The following CTNNA3 variants were observed in gnomAD, a reference collection of about 807,000 sequenced individuals.
CTNNA3 encodes catenin alpha 3.
A neutral mutation model predicts 95.7 loss-of-function variants in CTNNA3; 76 were observed. The ratio of observed to expected loss-of-function variants is 0.79; its 90% CI spans 0.66 to 0.96. The LOEUF is 0.96. Ranked by LOEUF, CTNNA3 falls within the 40% of genes least tolerant of loss-of-function variation. The pLI is 0.00. For synonymous variants in CTNNA3, 431 were observed against 374.4 expected, an observed-to-expected ratio of 1.15 and a Z score of -1.74; for missense variants, 1,191 against 1,089.8, an observed-to-expected ratio of 1.09 and a Z score of -1.31.
intron 7 of CTNNA3, among the ~76,000 whole-genome samples, chr10:67,041,330 C>T (rs1049005707): frequency 6.6e-6 from 1 of 152,042 alleles, no homozygotes; most frequent in East Asian, 1.9e-4. Flanking sequence ...GCCCAAGGGG[C>T]CTTCGTGATA....
chr10:67,698,695 A>G (rs1477925438), upstream of CTNNA3, among the ~76,000 whole-genome samples: 1 of 152,204 alleles, frequency 6.6e-6, no homozygotes, highest in Non-Finnish European at 1.5e-5. Context: ...CCTTTCTAAA[A>G]TGAGATTTAA....
intron 15 of CTNNA3, among the ~76,000 whole-genome samples, chr10:66,058,720 G>A (rs1395450808): frequency 6.6e-6 from 1 of 152,014 alleles, no homozygotes; most frequent in Non-Finnish European, 1.5e-5. Context: ...GAAAACACCT[G>A]GCTCACTTGC....
intron 1 of CTNNA3, among the ~76,000 whole-genome samples, chr10:67,760,383 G>A (rs1330547716): frequency 6.6e-6 from 1 of 152,176 alleles, no homozygotes; most frequent in Admixed American, 6.5e-5. Flanking sequence ...AACAAAATGA[G>A]TGAGAACACT....
intron 7 of CTNNA3, among the ~76,000 whole-genome samples, chr10:67,080,864 T>G (rs1857013243): frequency 6.7e-6 from 1 of 150,130 alleles, no homozygotes; most frequent in Non-Finnish European, 1.5e-5. Flanking sequence ...AGCCCAGATC[T>G]GGCCACTGCA....
intron 7 of CTNNA3, among the ~76,000 whole-genome samples, chr10:66,994,179 T>C (rs994675652): frequency 1.3e-5 from 2 of 151,928 alleles, no homozygotes; most frequent in African/African-American, 4.8e-5. Context: ...TAAAAACCAG[T>C]AAGTAATGTA....
At chr10:67,434,995 A>C (rs537653013) in intron 5 of CTNNA3, among the ~76,000 whole-genome samples, 1 of 152,172 alleles carries the variant, frequency 6.6e-6, no homozygotes, top group South Asian at 2.1e-4. Context: ...AAGCAGTGTG[A>C]TGTTATGCCT....
intron 9 of CTNNA3, among the ~76,000 whole-genome samples, chr10:66,742,264 T>G (rs1849351497): frequency 6.6e-6 from 1 of 152,160 alleles, no homozygotes; most frequent in African/African-American, 2.4e-5. Context: ...AGCCCTGGTC[T>G]CCCATAGCGC....
intron 8 of CTNNA3, among the ~76,000 whole-genome samples, chr10:66,771,778 A>G (rs1285207886): frequency 6.6e-6 from 1 of 152,224 alleles, no homozygotes; most frequent in East Asian, 1.9e-4. Context: ...CATTTAGTAA[A>G]TGAGAGATGT....
chr10:66,387,738 AT>A (rs1270981172), intron 11 of CTNNA3, among the ~76,000 whole-genome samples: 1 of 152,192 alleles, frequency 6.6e-6, no homozygotes, highest in East Asian at 1.9e-4. Context: ...AATGTGGCAC[AT>A]ATACACCATG....
chr10:67,399,247 CTTG>C (rs1471702862), intron 5 of CTNNA3, among the ~76,000 whole-genome samples: 1 of 152,070 alleles, frequency 6.6e-6, no homozygotes, highest in Non-Finnish European at 1.5e-5. Context: ...AGTTCAAATC[CTTG>C]TTGTTCAAGG....
intron 12 of CTNNA3, among the ~76,000 whole-genome samples, chr10:66,349,703 A>G (rs953338144): frequency 2.0e-5 from 3 of 152,272 alleles, no homozygotes; most frequent in Admixed American, 1.3e-4. Context: ...TTCAAAATCC[A>G]GAGAGTATGA....
chr10:66,269,783 A>G (rs1274767944), intron 13 of CTNNA3, among the ~76,000 whole-genome samples: 2 of 152,164 alleles, frequency 1.3e-5, no homozygotes, highest in Non-Finnish European at 2.9e-5. Context: ...TACACTAAGA[A>G]AGTCTCATCC....
At chr10:67,254,328 G>A (rs909170704) in intron 5 of CTNNA3, among the ~76,000 whole-genome samples, 4 of 152,120 alleles carry the variant, frequency 2.6e-5, no homozygotes, top group Middle Eastern at 3.4e-3. Context: ...AAGAGAGAGG[G>A]ATAAATAAAA....
chr10:66,200,337 T>G (rs947932456), intron 13 of CTNNA3, among the ~76,000 whole-genome samples: 1 of 151,824 alleles, frequency 6.6e-6, no homozygotes, highest in African/African-American at 2.4e-5. Context: ...AAGAATACAA[T>G]TAGAAGAAAA....
chr10:67,714,163 G>A (rs1055770948), intron 1 of CTNNA3, among the ~76,000 whole-genome samples: 1 of 152,126 alleles, frequency 6.6e-6, no homozygotes, highest in Non-Finnish European at 1.5e-5. Context: ...TGTGAGAAGA[G>A]GGCCACCATC....
At chr10:66,754,170 C>A (rs1839277014) in intron 9 of CTNNA3, among the ~76,000 whole-genome samples, 1 of 152,070 alleles carries the variant, frequency 6.6e-6, no homozygotes, top group African/African-American at 2.4e-5. Context: ...GTGGTACTGG[C>A]ATAAAGGTTG....
At chr10:67,015,688 T>C (rs1852612085) in intron 7 of CTNNA3, among the ~76,000 whole-genome samples, 1 of 152,180 alleles carries the variant, frequency 6.6e-6, no homozygotes, top group African/African-American at 2.4e-5. Context: ...AATTTGAAGA[T>C]TCAAATCTTT....
intron 14 of CTNNA3, among the ~76,000 whole-genome samples, chr10:66,073,939 C>CA (rs1198317200): frequency 6.6e-6 from 1 of 151,998 alleles, no homozygotes; most frequent in East Asian, 1.9e-4. Context: ...CAAATCCATG[C>CA]ACCTACACTC....
intron 3 of CTNNA3, among the ~76,000 whole-genome samples, chr10:67,603,996 T>G (rs1843170623): frequency 6.6e-6 from 1 of 152,206 alleles, no homozygotes; most frequent in Non-Finnish European, 1.5e-5. Flanking sequence ...ATTTTTACTG[T>G]GTCTTTTCTA....
Sources: allele counts gnomAD v4.1 joint callset (sites outside exome capture counted in the v4.1 genomes callset), GRCh38; gene constraint gnomAD v4.1.1; transcripts MANE v1.5; gene names NCBI Gene and HGNC (gene_info 2026-07-23, HGNC 2026-07-21).